The following MAML3 variants were observed in gnomAD, a reference collection of about 807,000 sequenced individuals.
MAML3 encodes the protein mastermind like transcriptional coactivator 3, also known as mastermind-like protein 3.
Under a neutral mutation model 101.9 loss-of-function variants are expected in MAML3, and 27 were observed. The ratio of observed to expected loss-of-function variants is 0.27; its 90% confidence interval spans 0.20 to 0.37. The LOEUF (loss-of-function observed/expected upper bound fraction) is 0.37, where lower values mean the gene tolerates loss of function less well. Among genes scored for constraint, MAML3 ranks in the 10% least tolerant of loss-of-function variants. The pLI is 1.00. For missense variants in MAML3, 1,316 were observed against 1,444.9 expected (o/e 0.91, Z 1.45); for synonymous variants, 501 against 555.9 (o/e 0.90, Z 1.39).
intron 1 of MAML3, among the ~76,000 whole-genome samples, chr4:139,986,582 A>G (rs1026787833): frequency 8.5e-5 from 13 of 152,056 alleles, no homozygotes; most frequent in Admixed American, 2.6e-4. Context: ...CTTACAATTA[A>G]TATTCCTAAT....
chr4:139,745,273 C>T (rs376025786), intron 2 of MAML3, among the ~76,000 whole-genome samples: 5 of 141,456 alleles, frequency 3.5e-5, no homozygotes, highest in South Asian at 2.6e-4. Context: ...CAGATCCAGC[C>T]GACTCGACCA....
intron 2 of MAML3, among the ~76,000 whole-genome samples, chr4:139,732,639 A>T (rs1728773372): frequency 6.7e-6 from 1 of 150,206 alleles, no homozygotes; most frequent in Non-Finnish European, 1.5e-5. Flanking sequence ...ACTTAAAATT[A>T]AAAAAAAAAT....
At chr4:139,727,847 A>G (rs755244299) in intron 3 of MAML3, among the ~76,000 whole-genome samples, 8 of 152,290 alleles carry the variant, frequency 5.3e-5, no homozygotes, top group Non-Finnish European at 1.0e-4. Flanking sequence ...TCCAAAATCC[A>G]AAGTGTGAGG....
chr4:139,924,548 C>G (rs951867116), intron 1 of MAML3, among the ~76,000 whole-genome samples: 1 of 152,144 alleles, frequency 6.6e-6, no homozygotes, highest in Admixed American at 6.5e-5. Flanking sequence ...ATCCTTCTCA[C>G]CAACATGAAA....
intron 1 of MAML3, among the ~76,000 whole-genome samples, chr4:140,132,085 CA>C (rs1339649890): frequency 6.6e-6 from 1 of 152,230 alleles, no homozygotes; most frequent in Non-Finnish European, 1.5e-5. Context: ...TACACCCATG[CA>C]ATCACTGTCC....
intron 2 of MAML3, among the ~76,000 whole-genome samples, chr4:139,831,561 T>C (rs2111133997): frequency 6.6e-6 from 1 of 152,278 alleles, no homozygotes; most frequent in East Asian, 1.9e-4. Flanking sequence ...GTGGTCTTGC[T>C]GACTCTAGTG....
At position 139,790,252 on chromosome 4, in the gene MAML3, T is replaced by C. The variant is rs1016614119; in HGVS notation, c.2080-59585A>G. On this transcript the variant is annotated intron_variant, in intron 2 of 4. Transcript: ENST00000509479. Reference sequence around the variant, plus strand: ...ATATATATATATATATAAATAAATATATAAAATAAAATATATACCTATATA... The same window carrying C: ...ATATATATATATATATAAATAAATACATAAAATAAAATATATACCTATATA... Among the ~76,000 whole-genome samples, 19 of 138,008 alleles carry C rather than the reference T, an allele frequency of 1.4e-4. 1 individual carries two copies. The East Asian group carries it at 2.6e-3, about 19-fold the overall frequency. The allele number at this position is 138,008 out of a possible 152,430, so 90.5% of individuals were successfully genotyped here. A position where few individuals can be genotyped will look rare whatever the true frequency, so the allele number is the denominator to read the frequency against.
chr4:139,923,967 A>G (rs1733175877), intron 1 of MAML3, among the ~76,000 whole-genome samples: 1 of 152,216 alleles, frequency 6.6e-6, no homozygotes, highest in African/African-American at 2.4e-5. Flanking sequence ...CAGACTGTAA[A>G]GTCTGTAGGA....
intron 2 of MAML3, among the ~76,000 whole-genome samples, chr4:139,749,589 A>G (rs1729434640): frequency 3.9e-5 from 6 of 152,234 alleles, no homozygotes; most frequent in Admixed American, 3.9e-4. Context: ...CTGGAAAGAC[A>G]TGAGTCTGTC....
At chr4:140,064,486 C>T (rs903106409) in intron 1 of MAML3, among the ~76,000 whole-genome samples, 1 of 152,196 alleles carries the variant, frequency 6.6e-6, no homozygotes, top group Non-Finnish European at 1.5e-5. Context: ...GTAAATGTTT[C>T]TGTTGTTTAC....
At chr4:139,973,352 C>T (rs576144465) in intron 1 of MAML3, among the ~76,000 whole-genome samples, 5 of 152,320 alleles carry the variant, frequency 3.3e-5, no homozygotes, top group Non-Finnish European at 7.4e-5. Context: ...TTCGCTTTCC[C>T]TACTTCAGTC....
intron 1 of MAML3, among the ~76,000 whole-genome samples, chr4:140,005,405 A>C (rs1317590074): frequency 6.6e-6 from 1 of 152,230 alleles, no homozygotes; most frequent in Non-Finnish European, 1.5e-5. Context: ...GCTGTCCTCC[A>C]ATGTTGGAAA....
chr4:139,937,981 C>CT (rs970826387), intron 1 of MAML3, among the ~76,000 whole-genome samples: 1 of 152,152 alleles, frequency 6.6e-6, no homozygotes, highest in Non-Finnish European at 1.5e-5. Flanking sequence ...GCTAAAAAGA[C>CT]TAACACTGAT....
intron 1 of MAML3, among the ~76,000 whole-genome samples, chr4:139,949,827 C>T (rs939872465): frequency 6.6e-6 from 1 of 152,084 alleles, no homozygotes; most frequent in Non-Finnish European, 1.5e-5. Flanking sequence ...ATAGATGTTG[C>T]TAGGAAGGCT....
chr4:140,083,984 A>G (rs1023692167), intron 1 of MAML3, among the ~76,000 whole-genome samples: 1 of 135,452 alleles, frequency 7.4e-6, no homozygotes, highest in Admixed American at 7.1e-5. Flanking sequence ...AGAGAGAGAG[A>G]GAGAGAGAGA....
At chr4:139,814,270 A>AT (rs1453343378) in intron 2 of MAML3, among the ~76,000 whole-genome samples, 1 of 152,212 alleles carries the variant, frequency 6.6e-6, no homozygotes, top group Non-Finnish European at 1.5e-5. Flanking sequence ...AGTAGCTAAA[A>AT]ATTTGTAAAG....
intron 1 of MAML3, among the ~76,000 whole-genome samples, chr4:139,977,997 C>T (rs1734377259): frequency 6.6e-6 from 1 of 152,178 alleles, no homozygotes; most frequent in Admixed American, 6.5e-5. Flanking sequence ...CTGAAAGGGA[C>T]TGCAGAAGGT....
rs139159033 is a variant in MAML3 at position 139,935,643 on chromosome 4, G to GT, written c.469-44677dup. On this transcript the variant is annotated intron_variant, in intron 1 of 4. Coordinates refer to ENST00000509479, the MANE Select transcript of MAML3 (RefSeq NM_018717.5). Reference sequence around the variant, plus strand: ...GTTTCAGCTTTCCTAGGGTTTTTTTGTTTTTTTTTTTTGGTTTGGTTTTTG... The same window carrying GT: ...GTTTCAGCTTTCCTAGGGTTTTTTTGTTTTTTTTTTTTTGGTTTGGTTTTTG... Among the ~76,000 whole-genome samples the GT allele has an allele frequency of 2.9e-3, 399 of 137,630 alleles. 1 individual carries two copies. The highest frequency in any genetic ancestry group is 4.6e-3 in the Admixed American group (63 of 13,630). The allele number at this position is 137,630 out of a possible 152,430, so 90.3% of individuals were successfully genotyped here.
At chr4:139,825,059 G>A (rs977227184) in intron 2 of MAML3, among the ~76,000 whole-genome samples, 1 of 152,148 alleles carries the variant, frequency 6.6e-6, no homozygotes, top group South Asian at 2.1e-4. Flanking sequence ...CCCTTCCACC[G>A]CCACCCCTCT....
Sources: gnomAD v4.1 joint callset for allele counts (sites outside exome capture counted in the v4.1 genomes callset) on GRCh38, gnomAD v4.1.1 for gene constraint, MANE v1.5 for transcripts, NCBI Gene and HGNC (gene_info 2026-07-23, HGNC 2026-07-21) for gene names.